Variants in MATR3 observed in about 807,000 individuals in gnomAD.
MATR3 encodes the protein matrin 3, also known as matrin-3.
In MATR3, 4 loss-of-function variants were observed where a neutral mutation model predicts 85.5. The observed-to-expected ratio is 0.05, with a 90% confidence interval of 0.02 to 0.11. The LOEUF (loss-of-function observed/expected upper bound fraction) is 0.11. Among genes scored for constraint, MATR3 ranks in the 10% least tolerant of loss-of-function variants. The pLI is 1.00. For missense variants in MATR3, 685 were observed against 1,016.1 expected (o/e 0.67, Z 4.43); for synonymous variants, 336 against 343.1 (o/e 0.98, Z 0.23).
chr5:139,313,863 T>A (rs1471234151), intron 2 of MATR3: 3 of 152,280 alleles, frequency 2.0e-5, no homozygotes, highest in Non-Finnish European at 4.4e-5. Flanking sequence ...GTAGTAAACC[T>A]GGAACATCCT....
At chr5:139,278,416 TC>T (rs1357860726) in intron 2 of MATR3, 1 of 450,326 alleles carries the variant, frequency 2.2e-6, no homozygotes, top group Non-Finnish European at 4.5e-6. Context: ...CAGGTAAATA[TC>T]CCTATTCATT....
intron 2 of MATR3, chr5:139,313,492 G>A (rs1425805847): frequency 6.6e-6 from 1 of 152,086 alleles, no homozygotes; most frequent in African/African-American, 2.4e-5. Context: ...ATTTGGGAGT[G>A]AACCTAGGCA....
chr5:139,325,422 G>A lies in MATR3; in HGVS notation c.2149-18G>A, dbSNP rs749459853. On this transcript the variant is annotated intron_variant, in intron 12 of 14. Coordinates refer to ENST00000394805, the MANE Select transcript of MATR3 (RefSeq NM_018834.6). ...TAAATCTGGTGACAAAAATGATGATGGTTTGGTTGAAATTAAGGTGGACAA... is the reference window on the plus strand; with the variant it reads ...TAAATCTGGTGACAAAAATGATGATAGTTTGGTTGAAATTAAGGTGGACAA... 6.5e-7 allele frequency: 1 copy of A among 1,544,570 alleles called. No homozygotes were observed. Among genetic ancestry groups the A allele is most frequent in the Admixed American group, 1.7e-5 (1 of 58,064 alleles).
rs777534987 is a variant in MATR3, at chr5:139,330,439, C to T, written c.*1044C>T. 1.5e-5 allele frequency: 7 copies of T among 454,300 alleles called. No homozygotes were observed. Among genetic ancestry groups the T allele is most frequent in the South Asian group, 3.1e-5 (2 of 64,486 alleles). 28.1% of individuals were successfully genotyped at this position (454,300 alleles called of 1,614,324 possible). A position where few individuals can be genotyped will look rare whatever the true frequency, so the allele number is the denominator to read the frequency against. On this transcript the variant is annotated 3_prime_UTR_variant, in exon 15 of 15. Coordinates refer to ENST00000394805, the MANE Select transcript of MATR3 (RefSeq NM_018834.6). Reference sequence around the variant, plus strand: ...GGTTATACATGTTTGGAATGTTAACCAACGTATTTGTCAGTTGTGGTTTTT... The same window carrying T: ...GGTTATACATGTTTGGAATGTTAACTAACGTATTTGTCAGTTGTGGTTTTT...
chr5:139,293,609 G>T (rs1753961321), upstream of MATR3: 1 of 192,816 alleles, frequency 5.2e-6, no homozygotes, highest in Non-Finnish European at 1.1e-5. Flanking sequence ...GCGCTGAGTA[G>T]GGGGAGGGGC....
At chr5:139,315,475 C>T (rs867851378) in intron 3 of MATR3, 98 of 489,206 alleles carry the variant, frequency 2.0e-4, no homozygotes, top group African/African-American at 1.6e-3. Context: ...ACATTATCTG[C>T]ATTTGCAAGC....
Position 139,329,710 on chromosome 5 carries a change from T to C in MATR3, c.*315T>C. On this transcript the variant is annotated 3_prime_UTR_variant, in exon 15 of 15. Transcript: ENST00000394805. ...TGTAGAACCATTTGGAAAAATGAAA[T>C]TTAGTAGTTCCAAGTTTCAAAGAAA... The C allele has an allele frequency of 2.2e-6, 1 of 463,672 alleles. No individual in the cohort carries two copies. Among genetic ancestry groups the C allele is most frequent in the South Asian group, 1.6e-5 (1 of 64,156 alleles). 28.7% of individuals were successfully genotyped at this position (463,672 alleles called of 1,614,324 possible). A position where few individuals can be genotyped will look rare whatever the true frequency, so the allele number is the denominator to read the frequency against.
upstream of MATR3, chr5:139,293,641 C>T (rs1753962994): frequency 4.6e-6 from 1 of 216,808 alleles, no homozygotes; most frequent in African/African-American, 2.3e-5. Flanking sequence ...CGAACCAGAT[C>T]GAGGGGGTGG....
rs764920674 is a variant in MATR3 at position 139,330,540 on chromosome 5, T to G, written c.*1145T>G. ...TAGAGTGAATTCTAAAGACTGCCGC[T>G]AAAGATCTGAGTTTTAAAAATGTTG... On this transcript the variant is annotated 3_prime_UTR_variant, in exon 15 of 15. Coordinates refer to ENST00000394805, the MANE Select transcript of MATR3 (RefSeq NM_018834.6). 3 of 454,006 alleles carry G rather than the reference T, an allele frequency of 6.6e-6. No homozygotes were observed. In the East Asian group the frequency reaches 2.1e-4, roughly 32 times the overall value. The allele number at this position is 454,006 out of a possible 1,614,324, so 28.1% of individuals were successfully genotyped here. A position where few individuals can be genotyped will look rare whatever the true frequency, so the allele number is the denominator to read the frequency against.
rs144694538 is a variant in MATR3, at chr5:139,300,636, ATT to A, written c.-177-6600_-177-6599del. Among the ~76,000 whole-genome samples the A allele has an allele frequency of 1.1e-3, 170 of 152,306 alleles. 1 individual carries two copies. The highest frequency in any genetic ancestry group is 4.0e-3 in the African/African-American group (165 of 41,562). ...ACTACGGTGCTGTGTGTCAGACACTATTTTAAATGTTTTATTTAGACTAATTT... is the reference window on the plus strand; with the variant it reads ...ACTACGGTGCTGTGTGTCAGACACTATTAAATGTTTTATTTAGACTAATTT... On this transcript the variant is annotated intron_variant, in intron 1 of 14. Transcript: ENST00000394805.
At position 139,319,508 on chromosome 5, in the gene MATR3, T is replaced by C. The variant is rs758585409; in HGVS notation, c.1602+7T>C. On this transcript the variant is annotated splice_region_variant and intron_variant, in intron 9 of 14. Coordinates refer to ENST00000394805, the MANE Select transcript of MATR3 (RefSeq NM_018834.6). ...GATGAGGATGAAAAGTCAGGTAATA[T>C]ACATAAGGAAGTTTTAGAGAAGATA... 14 of 1,599,494 alleles carry C rather than the reference T, an allele frequency of 8.8e-6. No homozygotes were observed. The highest frequency in any genetic ancestry group is 3.7e-4 in the Middle Eastern group (2 of 5,408).
intron 2 of MATR3, chr5:139,276,214 C>CTG: frequency 2.2e-6 from 1 of 456,674 alleles, no homozygotes; most frequent in Non-Finnish European, 4.4e-6. Context: ...TTGTCTTGTA[C>CTG]CTAGGCAAGT....
intron 1 of MATR3, among the ~76,000 whole-genome samples, chr5:139,295,566 A>G (rs1754104353): frequency 6.6e-6 from 1 of 152,210 alleles, no homozygotes; most frequent in Non-Finnish European, 1.5e-5. Flanking sequence ...GAAGGATTTA[A>G]CTACCCTTGA....
Position 139,330,918 on chromosome 5 carries a change from G to A in MATR3, c.*1523G>A, listed in dbSNP as rs1561949570. On this transcript the variant is annotated 3_prime_UTR_variant, in exon 15 of 15. Transcript: ENST00000394805. ...TGACCCTCCTACCTCAGTCTCCTGA[G>A]TAGCTGGGACTACAGGCTCATGCCA... 1 of 454,032 alleles carries A rather than the reference G, an allele frequency of 2.2e-6. No individual in the cohort carries two copies. Among genetic ancestry groups the A allele is most frequent in the East Asian group, 7.0e-5 (1 of 14,388 alleles). 28.1% of individuals were successfully genotyped at this position (454,032 alleles called of 1,614,324 possible). A position where few individuals can be genotyped will look rare whatever the true frequency, so the allele number is the denominator to read the frequency against.
Position 139,307,595 on chromosome 5 carries a change from G to A in MATR3, c.180G>A (p.Met60Ile). The change falls in exon 2 of 15, where the codon ATG (methionine) becomes ATA (isoleucine). Residue 60 changes from methionine (M) to isoleucine (I), a missense_variant. By Grantham distance (10) the Met-to-Ile change is conservative. Coordinates refer to ENST00000394805, the MANE Select transcript of MATR3 (RefSeq NM_018834.6). The surrounding 1 kb of genome is among the most constrained non-coding windows in gnomAD (Gnocchi z 4.4). ...ARLASLMNLG[M>I]SSSLNQQGAH... The stretch of plus-strand genomic sequence containing the variant: ...TTGCTAGTTTAATGAATCTTGGAAT[G>A]AGTTCTTCATTGAATCAACAAGGAG... 6.2e-7 allele frequency: 1 copy of A among 1,614,158 alleles called. No homozygotes were observed. Among genetic ancestry groups the A allele is most frequent in the African/African-American group, 1.3e-5 (1 of 75,028 alleles).
intron 9 of MATR3, 126 bp from the exon 10 acceptor site, chr5:139,321,763 ACACAGTGAG>A (rs1167982954): frequency 1.1e-6 from 1 of 883,054 alleles, no homozygotes; most frequent in African/African-American, 1.7e-5. Context: ...AGCCTGGGTG[ACACAGTGAG>A]ACCCTGTCTC....
At chr5:139,320,996 T>C (rs1381365620) in intron 9 of MATR3, among the ~76,000 whole-genome samples, 1 of 151,258 alleles carries the variant, frequency 6.6e-6, no homozygotes, top group Admixed American at 6.6e-5. Context: ...GACCTTGTGA[T>C]CCGCCCGTCT....
rs886059988 is a variant in MATR3, at chr5:139,307,720, G to A, written c.305G>A (p.Arg102His). 9 of 1,613,954 alleles carry A rather than the reference G, an allele frequency of 5.6e-6. No homozygotes were observed. Among genetic ancestry groups the A allele is most frequent in the African/African-American group, 1.3e-5 (1 of 74,900 alleles). Residue 102 changes from arginine (R) to histidine (H), a missense_variant, in exon 2 of 15, where the codon CGT (arginine) becomes CAT (histidine). Physicochemically the swap from Arg to His is conservative, Grantham distance 29. Transcript: ENST00000394805. The surrounding 1 kb of genome is among the most constrained non-coding windows in gnomAD (Gnocchi z 4.4). ...CCACTCCCTTTATCTTCTCAACACCGTGGAGATGCAGACCAGGCCAGTAAC... is the reference window on the plus strand; with the variant it reads ...CCACTCCCTTTATCTTCTCAACACCATGGAGATGCAGACCAGGCCAGTAAC... ...RGPLPLSSQH[R>H]GDADQASNIL...
intron 7 of MATR3, among the ~76,000 whole-genome samples, chr5:139,318,704 C>G (rs1273579948): frequency 6.6e-6 from 1 of 152,244 alleles, no homozygotes; most frequent in Non-Finnish European, 1.5e-5. Flanking sequence ...CTCGGCCTCC[C>G]GAAGTGTTGG....
Sources: allele counts gnomAD v4.1 joint callset (sites outside exome capture counted in the v4.1 genomes callset), GRCh38; gene constraint gnomAD v4.1.1; non-coding constraint Gnocchi (gnomAD v3.1); transcripts MANE v1.5; gene names NCBI Gene and HGNC (gene_info 2026-07-23, HGNC 2026-07-21).